Variants in ADGRL2 observed in about 807,000 individuals in gnomAD.
ADGRL2 encodes the protein calcium-independent alpha-latrotoxin receptor 2.
A neutral mutation model predicts 157.4 loss-of-function variants in ADGRL2; 44 were observed. The ratio of observed to expected loss-of-function variants is 0.28; its 90% CI spans 0.22 to 0.36. The LOEUF is 0.36. Ranked by LOEUF, ADGRL2 falls within the 10% of genes least tolerant of loss-of-function variation. ADGRL2 has a pLI of 1.00. For missense variants in ADGRL2, 1,510 were observed against 1,768.9 expected (o/e 0.85, Z 2.63); for synonymous variants, 585 against 624.7 (o/e 0.94, Z 0.95).
chr1:81,385,351 T>G (rs1021018762), intron 1 of ADGRL2, among the ~76,000 whole-genome samples: 3 of 152,082 alleles, frequency 2.0e-5, no homozygotes, highest in Admixed American at 6.6e-5. Context: ...TTGTAATATA[T>G]TCCAAAGGCT....
Position 81,628,156 on chromosome 1 carries a change from G to C in ADGRL2, c.-143+47176G>C, listed in dbSNP as rs1326327032. 2.6e-5 allele frequency among the ~76,000 whole-genome samples: 4 copies of C among 152,158 alleles called. No individual in the cohort carries two copies. In the South Asian group the frequency reaches 6.2e-4, roughly 24 times the overall value. On this transcript the variant is annotated intron_variant, in intron 3 of 24. Coordinates refer to the ADGRL2 transcript ENST00000370721. ...AGTCATTGAGATCTAAGCTTGATGA[G>C]AAAGGTGGAGAGCCAGCTAGGTAAA... is the stretch of plus-strand genomic sequence containing the variant.
intron 1 of ADGRL2, among the ~76,000 whole-genome samples, chr1:81,423,886 CA>C: frequency 6.6e-6 from 1 of 151,978 alleles, no homozygotes; most frequent in African/African-American, 2.4e-5. Flanking sequence ...AAGAGATTTA[CA>C]AAAAAATGAA....
chr1:81,987,588 G>A (rs544032602), intron 22 of ADGRL2, among the ~76,000 whole-genome samples: 1 of 151,348 alleles, frequency 6.6e-6, no homozygotes, highest in Non-Finnish European at 1.5e-5. Context: ...TGGGGGAGGG[G>A]GAAAGATTGT....
At chr1:81,958,412 A>G (rs1008493753) in intron 11 of ADGRL2, among the ~76,000 whole-genome samples, 3 of 152,138 alleles carry the variant, frequency 2.0e-5, no homozygotes, top group Non-Finnish European at 2.9e-5. Context: ...CTTTTCAGAC[A>G]TGAGGACTAA....
At chr1:81,310,954 A>T (rs577474097) in intron 1 of ADGRL2, among the ~76,000 whole-genome samples, 1 of 152,088 alleles carries the variant, frequency 6.6e-6, no homozygotes, top group Non-Finnish European at 1.5e-5. Flanking sequence ...ACCTACAACC[A>T]TTTGAAGAAC....
chr1:81,350,627 A>T (rs1662812474), intron 1 of ADGRL2, among the ~76,000 whole-genome samples: 1 of 152,234 alleles, frequency 6.6e-6, no homozygotes, highest in Non-Finnish European at 1.5e-5. Flanking sequence ...GAAAGCACGT[A>T]GAAACATAGT....
intron 3 of ADGRL2, among the ~76,000 whole-genome samples, chr1:81,670,355 A>T (rs939235451): frequency 5.3e-5 from 8 of 152,152 alleles, no homozygotes; most frequent in Non-Finnish European, 8.8e-5. Context: ...CAAATTTCCA[A>T]TTCTAGACTG....
intron 3 of ADGRL2, among the ~76,000 whole-genome samples, chr1:81,915,722 T>C (rs936767851): frequency 6.6e-6 from 1 of 152,200 alleles, no homozygotes; most frequent in Non-Finnish European, 1.5e-5. Context: ...ATTTCAACTT[T>C]GGTGATTTTG....
intron 2 of ADGRL2, among the ~76,000 whole-genome samples, chr1:81,553,424 G>T (rs866351191): frequency 6.6e-6 from 1 of 152,122 alleles, no homozygotes. Flanking sequence ...TTCAGAAGAG[G>T]TCTATAGAAG....
At chr1:81,771,910 CT>C (rs2086387123) in intron 2 of ADGRL2, among the ~76,000 whole-genome samples, 1 of 152,098 alleles carries the variant, frequency 6.6e-6, no homozygotes, top group Non-Finnish European at 1.5e-5. Context: ...TGCCCTTTTG[CT>C]TTTTTATTCT....
At chr1:81,434,772 C>G (rs1443248937) in intron 1 of ADGRL2, among the ~76,000 whole-genome samples, 1 of 152,120 alleles carries the variant, frequency 6.6e-6, no homozygotes, top group Non-Finnish European at 1.5e-5. Context: ...TACCTTGCAA[C>G]CAAAATTGGG....
At chr1:81,487,107 A>G (rs1038460156) in intron 2 of ADGRL2, among the ~76,000 whole-genome samples, 3 of 117,374 alleles carry the variant, frequency 2.6e-5, no homozygotes, top group Admixed American at 8.8e-5. Context: ...AAAAAAAAAA[A>G]AAGAAAGTAA....
At chr1:81,557,989 T>G (rs1448285719) in intron 2 of ADGRL2, among the ~76,000 whole-genome samples, 4 of 152,200 alleles carry the variant, frequency 2.6e-5, no homozygotes, top group African/African-American at 7.2e-5. Flanking sequence ...TACATAATAT[T>G]TATACGGTAA....
At chr1:81,356,805 T>C (rs1199326800) in intron 1 of ADGRL2, among the ~76,000 whole-genome samples, 2 of 151,466 alleles carry the variant, frequency 1.3e-5, no homozygotes, top group Non-Finnish European at 2.9e-5. Flanking sequence ...TACAAAAAAT[T>C]AGCCGAGCGT....
At chr1:81,834,807 A>G (rs1362233101) in intron 1 of ADGRL2, among the ~76,000 whole-genome samples, 5 of 152,170 alleles carry the variant, frequency 3.3e-5, no homozygotes, top group African/African-American at 1.2e-4. Flanking sequence ...GTCAGAAACA[A>G]CCACTTACAT....
intron 3 of ADGRL2, among the ~76,000 whole-genome samples, chr1:81,933,979 T>TA (rs2095272582): frequency 6.6e-6 from 1 of 152,220 alleles, no homozygotes; most frequent in South Asian, 2.1e-4. Context: ...TCTGTGTATA[T>TA]AAACATATGA....
chr1:81,607,235 A>G lies in ADGRL2; in HGVS notation c.-143+26255A>G, dbSNP rs146256264. 1.8e-3 allele frequency among the ~76,000 whole-genome samples: 281 copies of G among 152,300 alleles called. 2 individuals carry two copies. In the East Asian group the frequency reaches 0.031, roughly 17 times the overall value. ...AAACGCAACATTGGGTATCAAACAC[A>G]CTCGAAGTTAAACCAAAACTATATT... is the stretch of plus-strand genomic sequence containing the variant. On this transcript the variant is annotated intron_variant, in intron 3 of 24. Coordinates refer to the ADGRL2 transcript ENST00000370721.
rs1316587570 is a variant in ADGRL2, at chr1:81,950,545, T to A, written c.1504+63T>A. 7.2e-6 allele frequency: 10 copies of A among 1,392,080 alleles called. No homozygotes were observed. The African/African-American group carries it at 1.3e-4, about 18-fold the overall frequency. The allele number at this position is 1,392,080 out of a possible 1,614,324, so 86.2% of individuals were successfully genotyped here. A position where few individuals can be genotyped will look rare whatever the true frequency, so the allele number is the denominator to read the frequency against. ...TTAGTAAGTAGGTTCTGTATTACAG[T>A]GAAGTGATTTTATTCAAAGAAAGCG... On this transcript the variant is annotated intron_variant, in intron 7 of 23. Coordinates refer to ENST00000686636, the MANE Select transcript of ADGRL2 (RefSeq NM_001366006.2).
chr1:81,625,079 CTGAAACAGA>C (rs2081882809), intron 3 of ADGRL2, among the ~76,000 whole-genome samples: 1 of 152,146 alleles, frequency 6.6e-6, no homozygotes, highest in African/African-American at 2.4e-5. Context: ...CACCTTCACT[CTGAAACAGA>C]ACAAGCATTA....
Sources: gnomAD v4.1 joint callset for allele counts (sites outside exome capture counted in the v4.1 genomes callset) on GRCh38, gnomAD v4.1.1 for gene constraint, MANE v1.5 for transcripts, NCBI Gene and HGNC (gene_info 2026-07-23, HGNC 2026-07-21) for gene names.